WASHC5: variants seen among roughly 807,000 people sequenced by gnomAD.
WASHC5 encodes WASH complex subunit 5.
In WASHC5, 101 loss-of-function variants were observed where a neutral mutation model predicts 150.4. The observed-to-expected ratio is 0.67, with a 90% CI of 0.57 to 0.79. WASHC5 has a LOEUF of 0.79. Among genes scored for constraint, WASHC5 ranks in the 30% least tolerant of loss-of-function variants. The probability of loss-of-function intolerance (pLI) is 0.00; values close to 1 mark genes in which losing one functional copy is unlikely to be tolerated. For synonymous variants in WASHC5, 467 were observed against 491.2 expected (o/e 0.95, Z 0.65); for missense variants, 1,195 against 1,396.3 (o/e 0.86, Z 2.30).
intron 26 of WASHC5, among the ~76,000 whole-genome samples, chr8:125,035,508 C>T (rs1319833457): frequency 6.6e-6 from 1 of 152,174 alleles, no homozygotes; most frequent in African/African-American, 2.4e-5. Flanking sequence ...TTACATTACA[C>T]TTGGGATGGC....
chr8:125,043,902 T>C lies in WASHC5; in HGVS notation c.2773A>G (p.Asn925Asp), dbSNP rs752193749. The change falls in exon 23 of 29, where the codon AAT becomes GAT. Residue 925 changes from asparagine (N) to aspartate (D), a missense_variant and splice_region_variant. By Grantham distance (23) the Asn-to-Asp change is conservative (BLOSUM62 1). Coordinates refer to ENST00000318410, the MANE Select transcript of WASHC5 (RefSeq NM_014846.4). ...GCGGAAAAATAAATTTTATTTGAAT[T>C]TGCTGAAAAGTTAAAACATAATTTT... ...AVSPLKSIVA[N>D]SNKIYFSAIA... The C allele has an allele frequency of 6.2e-7, 1 of 1,612,006 alleles. No homozygotes were observed. Among genetic ancestry groups the C allele is most frequent in the Admixed American group, 1.7e-5 (1 of 60,008 alleles).
rs749478956 is a variant in WASHC5, at chr8:125,032,294, C to T, written c.3282G>A (p.Gln1094=). The T allele has an allele frequency of 2.7e-5, 44 of 1,614,066 alleles. No individual in the cohort carries two copies. The highest frequency in any genetic ancestry group is 8.5e-6 in the Non-Finnish European group (10 of 1,180,034). The change falls in exon 27 of 29, where the codon CAG becomes CAA. Residue 1094 remains glutamine (Q), a synonymous_variant. Transcript: ENST00000318410. ...LKQFHSRYTE[Q]FLALIGQFIC... ...TAAACTGGCCAATCAGCGCCAGGAA[C>T]TGCTCGGTGTACCGGGAATGGAACT...
At chr8:125,053,798 G>A (rs16900266) in intron 17 of WASHC5, among the ~76,000 whole-genome samples, 16,619 of 151,972 alleles carry the variant, frequency 0.11, 2,127 homozygotes, top group African/African-American at 0.31. Flanking sequence ...TATATGAATG[G>A]GCCCATCGCT....
intron 17 of WASHC5, 122 bp from the exon 18 acceptor site, chr8:125,050,787 T>C (rs189986592): frequency 3.7e-5 from 27 of 737,960 alleles, no homozygotes; most frequent in Non-Finnish European, 5.8e-5. Context: ...ACTAAATGAT[T>C]TGAATTTTTT....
chr8:125,048,979 T>C (rs777242390), intron 19 of WASHC5, 27 bp downstream of exon 19: 3 of 1,564,394 alleles, frequency 1.9e-6, no homozygotes, highest in Non-Finnish European at 2.6e-6. Flanking sequence ...ACAAATATAG[T>C]CAAGAATTTT....
intron 20 of WASHC5, among the ~76,000 whole-genome samples, chr8:125,046,925 C>T (rs1481691529): frequency 6.6e-6 from 1 of 152,182 alleles, no homozygotes; most frequent in Non-Finnish European, 1.5e-5. Context: ...CTATGAGAAT[C>T]TAGCACTTTG....
At chr8:125,077,476 G>A (rs1191039672) in intron 6 of WASHC5, among the ~76,000 whole-genome samples, 4 of 152,196 alleles carry the variant, frequency 2.6e-5, no homozygotes, top group Admixed American at 6.5e-5. Flanking sequence ...CCCATGACCA[G>A]GGATGGGGGA....
intron 26 of WASHC5, among the ~76,000 whole-genome samples, chr8:125,035,614 G>T (rs2288311): frequency 0.16 from 25,102 of 152,208 alleles, 3,871 homozygotes; most frequent in African/African-American, 0.41. Flanking sequence ...TAGGTGATAA[G>T]TGGTGAAGCC....
chr8:125,089,195 G>C (rs537866784), intron 1 of WASHC5, among the ~76,000 whole-genome samples: 1 of 152,256 alleles, frequency 6.6e-6, no homozygotes, highest in Non-Finnish European at 1.5e-5. Context: ...AGCAGAGAGG[G>C]AAAGGGGAAA....
intron 18 of WASHC5, among the ~76,000 whole-genome samples, chr8:125,049,755 C>G (rs531171916): frequency 2.1e-5 from 3 of 146,014 alleles, no homozygotes; most frequent in Non-Finnish European, 4.5e-5. Flanking sequence ...GCACAAGAAT[C>G]GCTTGAACCC....
chr8:125,044,361 CCAAA>C (rs1284450937), intron 21 of WASHC5, 171 bp downstream of exon 21: 9 of 752,626 alleles, frequency 1.2e-5, no homozygotes, highest in Admixed American at 4.5e-5. Flanking sequence ...ACTATGCTGG[CCAAA>C]CAAATTCTAG....
intron 23 of WASHC5, 135 bp from the exon 24 acceptor site, chr8:125,040,033 G>A (rs1815840230): frequency 1.4e-6 from 1 of 700,074 alleles, no homozygotes; most frequent in Admixed American, 2.0e-5. Flanking sequence ...AGGATTTCCT[G>A]AACTGATCTC....
intron 20 of WASHC5, among the ~76,000 whole-genome samples, chr8:125,046,972 G>A (rs1397394248): frequency 2.0e-5 from 3 of 152,198 alleles, no homozygotes; most frequent in Non-Finnish European, 4.4e-5. Flanking sequence ...GAGCTCAGGT[G>A]GTAATGCTTG....
rs1009668212 is a variant in WASHC5, at chr8:125,032,347, C to G, written c.3229G>C (p.Val1077Leu). The G allele has an allele frequency of 6.2e-7, 1 of 1,614,178 alleles. No homozygotes were observed. Among genetic ancestry groups the G allele is most frequent in the Non-Finnish European group, 8.5e-7 (1 of 1,180,036 alleles). Residue 1077 changes from valine (V) to leucine (L), a missense_variant, in exon 27 of 29, where the codon GTC (valine) becomes CTC (leucine). Transcript: ENST00000318410. The stretch of plus-strand genomic sequence containing the variant: ...TTCAGCAGAGTGAGCAGTCCCAGGA[C>G]AAGTGGTGGCCAATCAACCGGGTCG... The part of the protein sequence containing the change: ...PTDPVDWPPL[V>L]LGLLTLLKQF...
chr8:125,024,441 C>A lies in WASHC5; in HGVS notation c.*176G>T. On this transcript the variant is annotated 3_prime_UTR_variant, in exon 29 of 29. Coordinates refer to ENST00000318410, the MANE Select transcript of WASHC5 (RefSeq NM_014846.4). ...TGTAATACCATGATTTAAACAATAT[C>A]AGTTATATTAACTAATGCCATGAGA... 1 of 651,496 alleles carries A rather than the reference C, an allele frequency of 1.5e-6. No homozygotes were observed. The highest frequency in any genetic ancestry group is 1.8e-5 in the South Asian group (1 of 55,916). 40.4% of individuals were successfully genotyped at this position (651,496 alleles called of 1,614,324 possible).
intron 12 of WASHC5, 21 bp downstream of exon 12, chr8:125,061,061 A>G: frequency 1.4e-6 from 2 of 1,401,600 alleles, no homozygotes; most frequent in South Asian, 2.3e-5. Context: ...AAGAACCTGC[A>G]TTTAAAAAGC....
intron 9 of WASHC5, among the ~76,000 whole-genome samples, chr8:125,071,365 T>G (rs1462386007): frequency 6.6e-6 from 1 of 152,202 alleles, no homozygotes; most frequent in Non-Finnish European, 1.5e-5. Flanking sequence ...CTGAACTTGA[T>G]GGTCAAACTG....
Position 125,032,359 on chromosome 8 carries a change from A to T in WASHC5, c.3217T>A (p.Trp1073Arg), listed in dbSNP as rs766017803. Residue 1073 changes from tryptophan (W) to arginine (R), a missense_variant, in exon 27 of 29, where the codon TGG (tryptophan) becomes AGG (arginine). By Grantham distance (101) the Trp-to-Arg change is moderately radical. Transcript: ENST00000318410. Reference protein sequence around the residue: ...VCRKPTDPVDWPPLVLGLLTL... With the variant: ...VCRKPTDPVDRPPLVLGLLTL... ...AGCAGTCCCAGGACAAGTGGTGGCC[A>T]ATCAACCGGGTCGGTCGGTTTTCGG... The T allele has an allele frequency of 1.2e-6, 2 of 1,614,206 alleles. No individual in the cohort carries two copies. Among genetic ancestry groups the T allele is most frequent in the South Asian group, 2.2e-5 (2 of 91,086 alleles).
intron 5 of WASHC5, among the ~76,000 whole-genome samples, chr8:125,079,515 G>A (rs1817187146): frequency 6.6e-6 from 1 of 152,110 alleles, no homozygotes; most frequent in East Asian, 1.9e-4. Context: ...TTGAAAGCCT[G>A]TTTAGAAGAT....
Sources: allele counts gnomAD v4.1 joint callset (sites outside exome capture counted in the v4.1 genomes callset), GRCh38; gene constraint gnomAD v4.1.1; transcripts MANE v1.5; gene names NCBI Gene and HGNC (gene_info 2026-07-23, HGNC 2026-07-21).